Variants in RBFOX1 observed in about 807,000 individuals in gnomAD.
The protein encoded by RBFOX1 is RNA binding fox-1 homolog 1, also known as RNA binding protein fox-1 homolog 1.
A neutral mutation model predicts 57.7 loss-of-function variants in RBFOX1; 8 were observed. The ratio of observed to expected loss-of-function variants is 0.14; its 90% CI spans 0.08 to 0.25. The LOEUF is 0.25. RBFOX1 is among the 10% of genes least tolerant of loss of function. The pLI, the probability that RBFOX1 is intolerant of heterozygous loss-of-function variation, is 1.00. For missense variants in RBFOX1, 611 were observed against 548.5 expected (o/e 1.11, Z -1.14); for synonymous variants, 326 against 222.4 (o/e 1.47, Z -4.15).
At chr16:7,705,660 CAT>C (rs1343850944) in intron 14 of RBFOX1, among the ~76,000 whole-genome samples, 18 of 152,168 alleles carry the variant, frequency 1.2e-4, no homozygotes, top group African/African-American at 4.1e-4. Context: ...AGCGGGGAGT[CAT>C]AGGATTAGAT....
chr16:7,663,263 C>G (rs965016009), intron 12 of RBFOX1, among the ~76,000 whole-genome samples: 1 of 152,220 alleles, frequency 6.6e-6, no homozygotes, highest in Non-Finnish European at 1.5e-5. Flanking sequence ...ACCTCAGCAT[C>G]TTGGATTAGG....
chr16:5,848,245 C>G (rs546340292), intron 3 of RBFOX1, among the ~76,000 whole-genome samples: 5 of 152,244 alleles, frequency 3.3e-5, no homozygotes, highest in African/African-American at 1.2e-4. Context: ...CACCACTGGA[C>G]CATTTCTGTA....
chr16:7,218,002 ATGTGTGTTTGTACG>A (rs1330068051), intron 4 of RBFOX1, among the ~76,000 whole-genome samples: 1 of 150,344 alleles, frequency 6.7e-6, no homozygotes, highest in Admixed American at 6.6e-5. Flanking sequence ...GTGCACGTGC[ATGTGTGTTTGTACG>A]TGTGTGGGGT....
chr16:5,516,831 A>G (rs377704987), intron 2 of RBFOX1, among the ~76,000 whole-genome samples: 16 of 152,178 alleles, frequency 1.1e-4, no homozygotes, highest in African/African-American at 2.9e-4. Flanking sequence ...CTGCTGCCCT[A>G]TGAAGAGGCG....
rs9944366 is a variant in RBFOX1, at chr16:6,630,735, G to T, written c.-63-23868G>T. 8.0e-3 allele frequency among the ~76,000 whole-genome samples: 1,213 copies of T among 152,026 alleles called. 16 individuals are homozygous for T. Among genetic ancestry groups the T allele is most frequent in the African/African-American group, 0.027 (1,108 of 41,442 alleles). On this transcript the variant is annotated intron_variant, in intron 2 of 15. Coordinates refer to ENST00000550418, the MANE Select transcript of RBFOX1 (RefSeq NM_018723.4). ...GTTTAAATTCCTAAAATTTAAGCTG[G>T]AATTTATGATGAAAATACCATGAGA...
intron 2 of RBFOX1, among the ~76,000 whole-genome samples, chr16:5,490,722 G>C (rs1171957656): frequency 6.6e-6 from 1 of 152,192 alleles, no homozygotes; most frequent in East Asian, 1.9e-4. Context: ...GTGGACCAGA[G>C]CAGCCGCGTG....
chr16:6,222,965 C>T (rs1362326732), intron 1 of RBFOX1, among the ~76,000 whole-genome samples: 1 of 151,218 alleles, frequency 6.6e-6, no homozygotes, highest in South Asian at 2.1e-4. Context: ...GTTTGTTGTC[C>T]TTGCGATAGT....
intron 13 of RBFOX1, among the ~76,000 whole-genome samples, chr16:7,666,095 C>T (rs941784410): frequency 2.0e-5 from 3 of 152,100 alleles, no homozygotes; most frequent in Non-Finnish European, 4.4e-5. Flanking sequence ...TTAAGCTTTT[C>T]TGTCTCATGT....
At chr16:7,644,556 G>A (rs1240284488) in intron 11 of RBFOX1, among the ~76,000 whole-genome samples, 1 of 152,154 alleles carries the variant, frequency 6.6e-6, no homozygotes, top group African/African-American at 2.4e-5. Flanking sequence ...TCACCCGTTT[G>A]AGGATTGCCA....
chr16:5,409,156 A>G (rs2066944631), intron 1 of RBFOX1, among the ~76,000 whole-genome samples: 2 of 152,228 alleles, frequency 1.3e-5, no homozygotes, highest in Admixed American at 6.5e-5. Flanking sequence ...AGACAGCAGT[A>G]GTTGGCATAG....
chr16:7,233,569 C>T (rs1405990814), intron 4 of RBFOX1, among the ~76,000 whole-genome samples: 1 of 152,192 alleles, frequency 6.6e-6, no homozygotes, highest in Non-Finnish European at 1.5e-5. Context: ...CTATTTTGCT[C>T]TAATGTGTAC....
chr16:7,604,613 C>G lies in RBFOX1; in HGVS notation c.623-2672C>G, dbSNP rs182885975. Among the ~76,000 whole-genome samples, 3 of 152,050 alleles carry G rather than the reference C, an allele frequency of 2.0e-5. No individual in the cohort carries two copies. In the South Asian group the frequency reaches 6.2e-4, roughly 32 times the overall value. ...TAGGGGGATAGACAGATTATAGATA[C>G]GTTTATAGATAGATCAGTAGATAGA... On this transcript the variant is annotated intron_variant, in intron 9 of 15. Transcript: ENST00000550418.
chr16:6,585,466 T>TC (rs1208248844), intron 2 of RBFOX1, among the ~76,000 whole-genome samples: 3 of 152,326 alleles, frequency 2.0e-5, no homozygotes, highest in South Asian at 2.1e-4. Context: ...GAACCTTAGA[T>TC]CCCCCATGTC....
chr16:6,075,028 C>T (rs183921184), intron 1 of RBFOX1, among the ~76,000 whole-genome samples: 2 of 152,294 alleles, frequency 1.3e-5, no homozygotes, highest in African/African-American at 4.8e-5. Flanking sequence ...ATATCTGGAA[C>T]ACGAACCTCC....
intron 4 of RBFOX1, among the ~76,000 whole-genome samples, chr16:7,165,963 C>CATACGT (rs60902094): frequency 3.9e-5 from 3 of 76,042 alleles, no homozygotes; most frequent in African/African-American, 1.1e-4. Context: ...CACACACACA[C>CATACGT]ACATACATAC....
intron 3 of RBFOX1, among the ~76,000 whole-genome samples, chr16:6,835,278 G>C (rs183100108): frequency 2.0e-5 from 3 of 152,094 alleles, no homozygotes; most frequent in African/African-American, 7.2e-5. Flanking sequence ...TGCTATGCGG[G>C]TTCCCTTTCT....
intron 4 of RBFOX1, among the ~76,000 whole-genome samples, chr16:5,924,354 G>A (rs947228209): frequency 6.6e-6 from 1 of 152,192 alleles, no homozygotes; most frequent in African/African-American, 2.4e-5. Flanking sequence ...GATTGCTAAT[G>A]TTGGAGATGG....
chr16:5,421,020 T>C (rs567377358), intron 1 of RBFOX1, among the ~76,000 whole-genome samples: 2 of 150,358 alleles, frequency 1.3e-5, no homozygotes, highest in African/African-American at 4.9e-5. Context: ...TCCTTCTTCT[T>C]TTTTGAGACT....
intron 2 of RBFOX1, among the ~76,000 whole-genome samples, chr16:6,326,364 C>A (rs1207903169): frequency 6.6e-6 from 1 of 152,094 alleles, no homozygotes; most frequent in Non-Finnish European, 1.5e-5. Flanking sequence ...TAAAATAATC[C>A]ATGTGAGATT....
Sources: allele counts gnomAD v4.1 joint callset (sites outside exome capture counted in the v4.1 genomes callset), GRCh38; gene constraint gnomAD v4.1.1; transcripts MANE v1.5; gene names NCBI Gene and HGNC (gene_info 2026-07-23, HGNC 2026-07-21).